The following FBXW2 variants were observed in gnomAD, a reference collection of about 807,000 sequenced individuals.
The protein encoded by FBXW2 is F-box/WD repeat-containing protein 2.
A neutral mutation model predicts 46.0 loss-of-function variants in FBXW2; 12 were observed. The observed-to-expected ratio is 0.26, with a 90% CI of 0.17 to 0.42. The LOEUF (loss-of-function observed/expected upper bound fraction) is 0.42. Ranked by LOEUF, FBXW2 falls within the 10% of genes least tolerant of loss-of-function variation. The probability of loss-of-function intolerance (pLI) is 1.00; values close to 1 mark genes in which losing one functional copy is unlikely to be tolerated. For synonymous variants in FBXW2, 203 were observed against 209.6 expected (o/e 0.97, Z 0.27); for missense variants, 360 against 537.0 (o/e 0.67, Z 3.26).
At chr9:120,765,056 T>G (rs574136261) in intron 7 of FBXW2, among the ~76,000 whole-genome samples, 47 of 151,320 alleles carry the variant, frequency 3.1e-4, no homozygotes, top group Admixed American at 5.9e-4. Flanking sequence ...AGTCATTATA[T>G]AATATTGGCA....
chr9:120,783,578 C>T (rs1170983173), intron 3 of FBXW2, among the ~76,000 whole-genome samples: 1 of 152,188 alleles, frequency 6.6e-6, no homozygotes, highest in Non-Finnish European at 1.5e-5. Flanking sequence ...TACAATGGAG[C>T]ACCAGCTGCA....
At chr9:120,783,451 C>T (rs1416430067) in intron 3 of FBXW2, among the ~76,000 whole-genome samples, 4 of 152,262 alleles carry the variant, frequency 2.6e-5, no homozygotes, top group Non-Finnish European at 5.9e-5. Context: ...TCTTAAAAAT[C>T]TTAATAATAC....
intron 7 of FBXW2, among the ~76,000 whole-genome samples, chr9:120,768,593 G>C (rs899283809): frequency 6.6e-6 from 1 of 152,154 alleles, no homozygotes; most frequent in African/African-American, 2.4e-5. Context: ...TTGGGAGGCG[G>C]GTGGATCACT....
At chr9:120,787,746 A>G (rs758856761) in intron 3 of FBXW2, 23 bp downstream of exon 3, 9 of 1,583,330 alleles carry the variant, frequency 5.7e-6, no homozygotes, top group Non-Finnish European at 7.7e-6. Context: ...CAAAACCCAA[A>G]AAGCAGTTTC....
chr9:120,786,051 A>AAAATAATTC (rs1288392046), intron 3 of FBXW2, among the ~76,000 whole-genome samples: 1 of 151,776 alleles, frequency 6.6e-6, no homozygotes, highest in African/African-American at 2.4e-5. Context: ...AAAGAGCTAT[A>AAAATAATTC]AAATAATTCA....
At chr9:120,783,852 A>G (rs963263334) in intron 3 of FBXW2, among the ~76,000 whole-genome samples, 18 of 152,254 alleles carry the variant, frequency 1.2e-4, no homozygotes, top group Non-Finnish European at 2.2e-4. Context: ...CAATGTCATT[A>G]GCCATTAATC....
chr9:120,772,271 G>C (rs571522343), intron 6 of FBXW2, among the ~76,000 whole-genome samples: 1 of 151,558 alleles, frequency 6.6e-6, no homozygotes, highest in Non-Finnish European at 1.5e-5. Context: ...AAGGCAGGCG[G>C]ATCACAAGGT....
intron 3 of FBXW2, among the ~76,000 whole-genome samples, chr9:120,780,855 CATAGCAA>C (rs2044596355): frequency 6.6e-6 from 1 of 152,014 alleles, no homozygotes; most frequent in African/African-American, 2.4e-5. Context: ...TACAAAAGCC[CATAGCAA>C]ATACAAGGAG....
At chr9:120,769,701 C>G (rs1416373589) in intron 7 of FBXW2, among the ~76,000 whole-genome samples, 1 of 152,178 alleles carries the variant, frequency 6.6e-6, no homozygotes, top group East Asian at 1.9e-4. Context: ...TTTGGTGTCC[C>G]TGGCTTTCTA....
chr9:120,788,312 T>A (rs2044764840), intron 2 of FBXW2, 34 bp from the exon 3 acceptor site: 1 of 1,571,106 alleles, frequency 6.4e-7, no homozygotes, highest in South Asian at 1.2e-5. Context: ...TTAGTTCTGC[T>A]CAAAAAGACT....
In FBXW2 at chr9:120,793,356, G is replaced by A. The variant is rs913789018; in HGVS notation, c.-132C>T. ...CCGGCCCCGCCTCGCATACAGACCC[G>A]GACCTGCGGCCGCTGCTCCCGGTCC... On this transcript the variant is annotated splice_region_variant and 5_prime_UTR_variant, in exon 1 of 8. Coordinates refer to ENST00000608872, the MANE Select transcript of FBXW2 (RefSeq NM_012164.4). The A allele has an allele frequency of 3.2e-5, 13 of 403,466 alleles. No homozygotes were observed. The highest frequency in any genetic ancestry group is 2.2e-4 in the South Asian group (2 of 9,162). The allele number at this position is 403,466 out of a possible 1,614,324, so 25.0% of individuals were successfully genotyped here. A position where few individuals can be genotyped will look rare whatever the true frequency, so the allele number is the denominator to read the frequency against.
Position 120,757,747 on chromosome 9 carries a change from A to G in FBXW2, c.*6812T>C, listed in dbSNP as rs951604614. 1 of 152,268 alleles carries G rather than the reference A, an allele frequency of 6.6e-6. No individual in the cohort carries two copies. The highest frequency in any genetic ancestry group is 1.5e-5 in the Non-Finnish European group (1 of 68,012). The allele number at this position is 152,268 out of a possible 1,614,324, so 9.4% of individuals were successfully genotyped here. ...CAGAGAGCACAGAACATGTGGTTAA[A>G]ATGCAAAGGACAGGAACATCCCACT... On this transcript the variant is annotated 3_prime_UTR_variant, in exon 8 of 8. Coordinates refer to ENST00000608872, the MANE Select transcript of FBXW2 (RefSeq NM_012164.4).
chr9:120,772,767 T>C lies in FBXW2; in HGVS notation c.893A>G (p.Lys298Arg), dbSNP rs770712825. The change falls in exon 6 of 8, where the codon AAA (lysine) becomes AGA (arginine). Residue 298 changes from lysine to arginine, a missense_variant. Coordinates refer to ENST00000608872, the MANE Select transcript of FBXW2 (RefSeq NM_012164.4). ...PGDYILLSADKYEIKIWPIGR... is the reference protein window; with the variant it reads ...PGDYILLSADRYEIKIWPIGR... ...AAAAAAACTCACCTTAATCTCATAT[T>C]TGTCTGCACTTAAGAGGATGTAGTC... 1 of 1,562,526 alleles carries C rather than the reference T, an allele frequency of 6.4e-7. No homozygotes were observed. Among genetic ancestry groups the C allele is most frequent in the East Asian group, 2.3e-5 (1 of 42,644 alleles).
chr9:120,773,884 C>T (rs924145652), intron 5 of FBXW2, among the ~76,000 whole-genome samples: 1 of 152,178 alleles, frequency 6.6e-6, no homozygotes, highest in African/African-American at 2.4e-5. Flanking sequence ...CACTATATAG[C>T]TTTTCCATGT....
chr9:120,778,230 C>T, intron 4 of FBXW2, 121 bp downstream of exon 4: 1 of 878,504 alleles, frequency 1.1e-6, no homozygotes, highest in African/African-American at 1.7e-5. Context: ...ACTGCAATGA[C>T]TAAGAAAGAG....
chr9:120,793,111 T>A (rs1486658323), intron 2 of FBXW2, 38 bp downstream of exon 2: 10 of 698,446 alleles, frequency 1.4e-5, no homozygotes, highest in Non-Finnish European at 2.2e-5. Context: ...TGCTCCCAGG[T>A]CCCTTGCTCT....
In FBXW2 at chr9:120,772,738, G is replaced by C. The variant is rs748159933; in HGVS notation, c.906+16C>G. On this transcript the variant is annotated intron_variant, in intron 6 of 7. Transcript: ENST00000608872. ...TTTTTCTTTAATGAAGCAAATTAAT[G>C]GAGAAAAAAACTCACCTTAATCTCA... The C allele has an allele frequency of 7.3e-6, 11 of 1,514,382 alleles. No individual in the cohort carries two copies. Among genetic ancestry groups the C allele is most frequent in the Non-Finnish European group, 8.9e-6 (10 of 1,126,828 alleles). The allele number at this position is 1,514,382 out of a possible 1,614,324, so 93.8% of individuals were successfully genotyped here.
At position 120,771,423 on chromosome 9, in the gene FBXW2, A is replaced by C. The variant is rs1355326963; in HGVS notation, c.1001T>G (p.Phe334Cys). 1 of 1,614,134 alleles carries C rather than the reference A, an allele frequency of 6.2e-7. No individual in the cohort carries two copies. The highest frequency in any genetic ancestry group is 8.5e-7 in the Non-Finnish European group (1 of 1,180,040). Reference protein sequence around the residue: ...RSICLQPRLHFDGKYIVCSSA... With the variant: ...RSICLQPRLHCDGKYIVCSSA... ...ACTACAGACAATGTATTTGCCATCAAAATGAAGTCTTGGCTGCAGGCAGAT... is the reference window on the plus strand; with the variant it reads ...ACTACAGACAATGTATTTGCCATCACAATGAAGTCTTGGCTGCAGGCAGAT... The change falls in exon 7 of 8, where the codon TTT (phenylalanine) becomes TGT (cysteine). Residue 334 changes from phenylalanine (F) to cysteine (C), a missense_variant. Coordinates refer to ENST00000608872, the MANE Select transcript of FBXW2 (RefSeq NM_012164.4).
chr9:120,771,684 A>G (rs2044377915), intron 6 of FBXW2, among the ~76,000 whole-genome samples, 167 bp from the exon 7 acceptor site: 1 of 152,214 alleles, frequency 6.6e-6, no homozygotes, highest in Admixed American at 6.5e-5. Context: ...TCTCCTGTGC[A>G]ATCTTGGGTA....
Sources: gnomAD v4.1 joint callset for allele counts (sites outside exome capture counted in the v4.1 genomes callset) on GRCh38, gnomAD v4.1.1 for gene constraint, MANE v1.5 for transcripts, NCBI Gene and HGNC (gene_info 2026-07-23, HGNC 2026-07-21) for gene names.